TULP4: variants seen among roughly 807,000 people sequenced by gnomAD.
TULP4 encodes the protein tubby-related protein 4.
In TULP4, 16 loss-of-function variants were observed where a neutral mutation model predicts 129.0. The observed-to-expected ratio is 0.12, with a 90% confidence interval of 0.08 to 0.19. The LOEUF is 0.19. TULP4 is among the 10% of genes least tolerant of loss of function. The probability of loss-of-function intolerance (pLI) is 1.00; values close to 1 mark genes in which losing one functional copy is unlikely to be tolerated. For synonymous variants in TULP4, 998 were observed against 854.0 expected (o/e 1.17, Z -2.94); for missense variants, 1,842 against 2,059.1 (o/e 0.89, Z 2.04).
intron 1 of TULP4, among the ~76,000 whole-genome samples, chr6:158,405,336 A>G (rs1777954041): frequency 6.6e-6 from 1 of 152,192 alleles, no homozygotes; most frequent in African/African-American, 2.4e-5. Flanking sequence ...GCGGAGTCAA[A>G]GGAATTAGAA....
At chr6:158,465,304 G>T (rs940228832) in intron 6 of TULP4, among the ~76,000 whole-genome samples, 3 of 152,124 alleles carry the variant, frequency 2.0e-5, no homozygotes, top group Non-Finnish European at 1.5e-5. Flanking sequence ...TGTCCTTAAG[G>T]TTCATCCATG....
intron 1 of TULP4, among the ~76,000 whole-genome samples, chr6:158,347,087 C>T (rs182424336): frequency 4.2e-4 from 64 of 152,224 alleles, no homozygotes; most frequent in African/African-American, 1.0e-3. Context: ...GACAGAAATC[C>T]GTACTTGCCT....
chr6:158,314,446 C>A (rs1779440676), intron 1 of TULP4, among the ~76,000 whole-genome samples, 178 bp downstream of exon 1: 2 of 152,108 alleles, frequency 1.3e-5, no homozygotes, highest in South Asian at 4.1e-4. Flanking sequence ...ACATAGTTCA[C>A]AGTAGGCTGC....
chr6:158,339,952 T>G (rs1780142309), intron 1 of TULP4, among the ~76,000 whole-genome samples: 2 of 152,186 alleles, frequency 1.3e-5, no homozygotes, highest in Non-Finnish European at 2.9e-5. Context: ...CCATGAAATC[T>G]TCACAATTTA....
At chr6:158,382,211 G>T (rs1220994199) in intron 1 of TULP4, among the ~76,000 whole-genome samples, 3 of 152,148 alleles carry the variant, frequency 2.0e-5, no homozygotes, top group African/African-American at 7.2e-5. Context: ...CTGACTGACC[G>T]ACTGCTCTGC....
At chr6:158,463,101 C>T (rs144054122) in intron 6 of TULP4, among the ~76,000 whole-genome samples, 8 of 152,220 alleles carry the variant, frequency 5.3e-5, no homozygotes, top group Non-Finnish European at 8.8e-5. Context: ...ATAACCATCT[C>T]GAAATTATCC....
At chr6:158,429,203 A>C (rs750000817) in intron 2 of TULP4, among the ~76,000 whole-genome samples, 1 of 152,178 alleles carries the variant, frequency 6.6e-6, no homozygotes, top group African/African-American at 2.4e-5. Flanking sequence ...CAGTGGCGCT[A>C]TCTTGGCTCA....
chr6:158,311,407 C>T (rs190987130), upstream of TULP4, among the ~76,000 whole-genome samples: 40 of 152,070 alleles, frequency 2.6e-4, no homozygotes, highest in East Asian at 5.0e-3. Context: ...AGAGTGTTCT[C>T]GTGTTTGTAG....
At chr6:158,350,941 A>C (rs986437094) in intron 1 of TULP4, among the ~76,000 whole-genome samples, 3 of 151,992 alleles carry the variant, frequency 2.0e-5, no homozygotes, top group African/African-American at 7.3e-5. Flanking sequence ...TTTAGTAGAG[A>C]TAGGGTTTCA....
intron 1 of TULP4, among the ~76,000 whole-genome samples, chr6:158,369,808 A>C (rs1332433791): frequency 6.6e-6 from 1 of 152,178 alleles, no homozygotes; most frequent in Non-Finnish European, 1.5e-5. Flanking sequence ...GGTGGCAAGC[A>C]GACAGAGGGG....
intron 1 of TULP4, among the ~76,000 whole-genome samples, chr6:158,379,759 G>C (rs1453495587): frequency 6.6e-6 from 1 of 152,164 alleles, no homozygotes; most frequent in Non-Finnish European, 1.5e-5. Flanking sequence ...GGGGGACCTG[G>C]GAGACCCTAC....
intron 1 of TULP4, among the ~76,000 whole-genome samples, chr6:158,393,849 T>C (rs1777647122): frequency 6.6e-6 from 1 of 152,234 alleles, no homozygotes; most frequent in African/African-American, 2.4e-5. Context: ...CCCATCGTCT[T>C]GGCGATTAAC....
At chr6:158,259,494 A>G (rs1335611615) in intron 1 of TULP4, among the ~76,000 whole-genome samples, 3 of 152,254 alleles carry the variant, frequency 2.0e-5, no homozygotes, top group Admixed American at 6.5e-5. Flanking sequence ...GTGAACCTGT[A>G]TGCAGTAATC....
intron 5 of TULP4, 111 bp downstream of exon 5, chr6:158,452,379 C>A: frequency 1.4e-6 from 2 of 1,407,180 alleles, no homozygotes; most frequent in Non-Finnish European, 1.9e-6. Context: ...TGTGGTGACA[C>A]CTTCTGGGCT....
Position 158,503,022 on chromosome 6 carries a change from C to A in TULP4, c.3359C>A (p.Pro1120His). ...PEAAVTLKRPPPYQWDPMLGE... is the reference protein window; with the variant it reads ...PEAAVTLKRPHPYQWDPMLGE... Reference sequence around the variant, plus strand: ...GCTGCTGTCACCCTGAAACGGCCACCCCCTTACCAGTGGGACCCCATGCTG... The same window carrying A: ...GCTGCTGTCACCCTGAAACGGCCACACCCTTACCAGTGGGACCCCATGCTG... Residue 1120 changes from proline to histidine, a missense_variant, in exon 13 of 14, where the codon CCC (proline) becomes CAC (histidine). Around this residue, in one of 5 missense-constraint regions of TULP4, gnomAD observed 1,089 missense variants for 987.1 expected, o/e 1.10. Transcript: ENST00000367097. This position sits in a 1 kb window ranked among gnomAD's most constrained non-coding sequence, Gnocchi z 4.3. 1.2e-6 allele frequency: 2 copies of A among 1,614,160 alleles called. No individual in the cohort carries two copies. The highest frequency in any genetic ancestry group is 1.7e-6 in the Non-Finnish European group (2 of 1,180,026).
chr6:158,463,647 AAAAT>A (rs1229412092), intron 6 of TULP4, among the ~76,000 whole-genome samples: 1 of 95,134 alleles, frequency 1.1e-5, no homozygotes, highest in Non-Finnish European at 2.1e-5. Context: ...AAGTATAATA[AAAAT>A]ATATATATAT....
At chr6:158,234,374 A>G (rs1001953735) in intron 1 of TULP4, among the ~76,000 whole-genome samples, 1 of 152,230 alleles carries the variant, frequency 6.6e-6, no homozygotes, top group African/African-American at 2.4e-5. Flanking sequence ...CTTCAGGCCA[A>G]ATTTCAGCCC....
chr6:158,292,856 C>T (rs1778968724), intron 1 of TULP4, among the ~76,000 whole-genome samples: 1 of 152,136 alleles, frequency 6.6e-6, no homozygotes, highest in South Asian at 2.1e-4. Context: ...TGAATTATAT[C>T]ACCAAAGTAC....
intron 1 of TULP4, among the ~76,000 whole-genome samples, chr6:158,366,414 T>A (rs1418841765): frequency 1.3e-5 from 2 of 152,218 alleles, no homozygotes; most frequent in African/African-American, 4.8e-5. Context: ...GCCAATCTTT[T>A]CCCTTCGAAG....
Sources: gnomAD v4.1 joint callset for allele counts (sites outside exome capture counted in the v4.1 genomes callset) on GRCh38, gnomAD v4.1.1 for gene constraint, gnomAD v4.1.1 regional missense constraint, Gnocchi (gnomAD v3.1) non-coding constraint, MANE v1.5 for transcripts, NCBI Gene and HGNC (gene_info 2026-07-23, HGNC 2026-07-21) for gene names.